Variants in EHD4 observed in about 807,000 individuals in gnomAD.
EHD4 encodes the protein EH domain containing 4.
Under a neutral mutation model 51.0 loss-of-function variants are expected in EHD4, and 37 were observed. The ratio of observed to expected loss-of-function variants is 0.73; its 90% CI spans 0.56 to 0.95. The LOEUF is 0.95. EHD4 is among the 40% of genes least tolerant of loss of function. The probability of loss-of-function intolerance (pLI) is 0.00; values close to 1 mark genes in which losing one functional copy is unlikely to be tolerated. For missense variants in EHD4, 632 were observed against 733.1 expected (o/e 0.86, Z 1.59); for synonymous variants, 297 against 317.3 (o/e 0.94, Z 0.68).
intron 2 of EHD4, 133 bp from the exon 3 acceptor site, chr15:41,943,297 G>T: frequency 1.6e-6 from 1 of 631,482 alleles, no homozygotes; most frequent in Non-Finnish European, 2.7e-6. Context: ...CAGAAACTGA[G>T]GATGCCTAAT....
intron 3 of EHD4, among the ~76,000 whole-genome samples, chr15:41,924,243 T>C (rs1484922446): frequency 6.6e-6 from 1 of 152,164 alleles, no homozygotes; most frequent in African/African-American, 2.4e-5. Context: ...AGATTATATA[T>C]TCTCTAACCA....
At chr15:41,949,051 T>G (rs2555559) in intron 2 of EHD4, among the ~76,000 whole-genome samples, 1,126 of 109,468 alleles carry the variant, frequency 0.01, 30 homozygotes, top group African/African-American at 0.04. Flanking sequence ...TATATATATA[T>G]ACACACATAC....
chr15:41,909,492 T>G (rs1004667685), intron 5 of EHD4, among the ~76,000 whole-genome samples: 1 of 152,240 alleles, frequency 6.6e-6, no homozygotes, highest in African/African-American at 2.4e-5. Flanking sequence ...TCATTTACCT[T>G]TGGCCATGTG....
chr15:41,937,739 A>C (rs1037289445), intron 3 of EHD4, among the ~76,000 whole-genome samples: 10 of 152,174 alleles, frequency 6.6e-5, no homozygotes, highest in Admixed American at 4.6e-4. Context: ...TCAAAAGTGG[A>C]TGCATTTGTA....
chr15:41,903,907 C>G (rs1217248907), intron 5 of EHD4, among the ~76,000 whole-genome samples: 1 of 152,186 alleles, frequency 6.6e-6, no homozygotes, highest in African/African-American at 2.4e-5. Context: ...GGCCGGGTCT[C>G]TCAAACGCAG....
At chr15:41,949,293 C>T (rs1350824364) in intron 2 of EHD4, among the ~76,000 whole-genome samples, 1 of 151,344 alleles carries the variant, frequency 6.6e-6, no homozygotes, top group Admixed American at 6.6e-5. Context: ...TCACTTCAAC[C>T]CGGGAGGCAG....
chr15:41,945,464 G>A (rs924940161), intron 2 of EHD4, among the ~76,000 whole-genome samples: 2 of 152,216 alleles, frequency 1.3e-5, no homozygotes, highest in Non-Finnish European at 2.9e-5. Context: ...GCAAAGCGAG[G>A]AGCCCAGGAT....
At chr15:41,960,670 ATTTTTTTTTTTT>A (rs577281838) in intron 1 of EHD4, among the ~76,000 whole-genome samples, 6 of 127,918 alleles carry the variant, frequency 4.7e-5, no homozygotes, top group African/African-American at 1.8e-4. Flanking sequence ...CTTCACTTAC[ATTTTTTTTTTTT>A]TTTTTTTTTG....
intron 1 of EHD4, among the ~76,000 whole-genome samples, chr15:41,957,675 G>A (rs998381185): frequency 1.3e-5 from 2 of 152,152 alleles, no homozygotes; most frequent in African/African-American, 2.4e-5. Context: ...TCACCCTGGG[G>A]TCCTACACTG....
intron 3 of EHD4, among the ~76,000 whole-genome samples, chr15:41,925,423 T>C (rs1216310784): frequency 1.3e-5 from 2 of 152,252 alleles, no homozygotes; most frequent in Admixed American, 6.5e-5. Context: ...TTGTGAGAAC[T>C]GGTTTCAGCT....
chr15:41,953,439 CA>C (rs2067866056), intron 2 of EHD4, among the ~76,000 whole-genome samples: 2 of 152,146 alleles, frequency 1.3e-5, no homozygotes, highest in African/African-American at 4.8e-5. Context: ...AAGCTGGTCT[CA>C]AACTCCTGGC....
At chr15:41,920,318 A>G (rs2067616278) in intron 3 of EHD4, among the ~76,000 whole-genome samples, 2 of 152,150 alleles carry the variant, frequency 1.3e-5, no homozygotes, top group African/African-American at 4.8e-5. Flanking sequence ...TGTCCAGCCT[A>G]TTCTGACCAC....
chr15:41,956,311 C>A (rs1191543849), intron 1 of EHD4, among the ~76,000 whole-genome samples: 2 of 150,100 alleles, frequency 1.3e-5, no homozygotes, highest in South Asian at 2.3e-4. Flanking sequence ...CTTCACCAAG[C>A]CTGGCCAGGA....
intron 2 of EHD4, among the ~76,000 whole-genome samples, chr15:41,944,070 C>A (rs948556717): frequency 6.6e-6 from 1 of 152,148 alleles, no homozygotes; most frequent in African/African-American, 2.4e-5. Context: ...AAGCAGAGTG[C>A]GGAGGAAAAA....
chr15:41,965,354 T>C (rs373333914), intron 1 of EHD4, among the ~76,000 whole-genome samples: 62 of 152,334 alleles, frequency 4.1e-4, no homozygotes, highest in African/African-American at 1.5e-3. Context: ...ATCCTCAGTT[T>C]TGTAAGCATG....
chr15:41,927,927 A>T (rs1469175860), intron 3 of EHD4, among the ~76,000 whole-genome samples: 1 of 152,220 alleles, frequency 6.6e-6, no homozygotes, highest in African/African-American at 2.4e-5. Context: ...ATTTTTAGCA[A>T]TCTGGCAAGT....
rs2067455120 is a variant in EHD4 at position 41,898,629 on chromosome 15, G to A, written c.*2016C>T. The A allele has an allele frequency of 6.6e-6, 1 of 152,176 alleles. No homozygotes were observed. Among genetic ancestry groups the A allele is most frequent in the African/African-American group, 2.4e-5 (1 of 41,424 alleles). 9.4% of individuals were successfully genotyped at this position (152,176 alleles called of 1,614,324 possible). On this transcript the variant is annotated 3_prime_UTR_variant, in exon 6 of 6. Coordinates refer to ENST00000220325, the MANE Select transcript of EHD4 (RefSeq NM_139265.4). Reference sequence around the variant, plus strand: ...CCGAGGTGGGTAGATCACGAGGTCAGGAGATCGAGACCATATTGACCAACA... The same window carrying A: ...CCGAGGTGGGTAGATCACGAGGTCAAGAGATCGAGACCATATTGACCAACA...
chr15:41,917,716 G>A (rs116505764), intron 4 of EHD4, among the ~76,000 whole-genome samples: 1 of 152,316 alleles, frequency 6.6e-6, no homozygotes, highest in African/African-American at 2.4e-5. Flanking sequence ...GGACAAGGGC[G>A]AGGGCAAAAT....
intron 5 of EHD4, among the ~76,000 whole-genome samples, chr15:41,909,421 T>C (rs1237436263): frequency 6.6e-6 from 1 of 152,176 alleles, no homozygotes; most frequent in African/African-American, 2.4e-5. Context: ...CACCGCAACA[T>C]CAACCAGCCT....
Sources: gnomAD v4.1 joint callset for allele counts (sites outside exome capture counted in the v4.1 genomes callset) on GRCh38, gnomAD v4.1.1 for gene constraint, MANE v1.5 for transcripts, NCBI Gene and HGNC (gene_info 2026-07-23, HGNC 2026-07-21) for gene names.